The following PRDM2 variants were observed in gnomAD, a reference collection of about 807,000 sequenced individuals.
PRDM2 encodes the protein PR/SET domain 2.
In PRDM2, 30 loss-of-function variants were observed where a neutral mutation model predicts 130.0. The ratio of observed to expected loss-of-function variants is 0.23; its 90% CI spans 0.17 to 0.31. The LOEUF is 0.31. PRDM2 is among the 10% of genes least tolerant of loss of function. PRDM2 has a pLI of 1.00. For synonymous variants in PRDM2, 871 were observed against 782.4 expected, an observed-to-expected ratio of 1.11 and a Z score of -1.89; for missense variants, 2,011 against 2,108.4, an observed-to-expected ratio of 0.95 and a Z score of 0.90.
chr1:13,769,186 G>A, intron 6 of PRDM2: 1 of 983,508 alleles, frequency 1.0e-6, no homozygotes, highest in Non-Finnish European at 1.2e-6. Context: ...AAGTGCACTT[G>A]TGTGCTTGCC....
intron 8 of PRDM2, among the ~76,000 whole-genome samples, chr1:13,808,454 A>C (rs1570107305): frequency 7.5e-6 from 1 of 133,474 alleles, no homozygotes; most frequent in Admixed American, 8.3e-5. Flanking sequence ...ACAGAGTGAG[A>C]CTCTGTCTCA....
chr1:13,772,560 T>C (rs1232856443), intron 6 of PRDM2, among the ~76,000 whole-genome samples: 1 of 152,204 alleles, frequency 6.6e-6, no homozygotes, highest in Non-Finnish European at 1.5e-5. Context: ...ATTTGAGCCA[T>C]TGTGAATGTG....
At chr1:13,792,886 G>A (rs1644863737) in intron 8 of PRDM2, among the ~76,000 whole-genome samples, 1 of 152,246 alleles carries the variant, frequency 6.6e-6, no homozygotes, top group Non-Finnish European at 1.5e-5. Context: ...CCGAGTCGGA[G>A]AGAGGCAACA....
At chr1:13,730,948 T>G in intron 2 of PRDM2, 52 bp from the exon 3 acceptor site, 36 of 1,229,478 alleles carry the variant, frequency 2.9e-5, no homozygotes, top group South Asian at 4.3e-5. Context: ...AAAAAACCCA[T>G]GATTTGAGTT....
intron 7 of PRDM2, among the ~76,000 whole-genome samples, chr1:13,776,148 A>G (rs886476552): frequency 1.1e-4 from 17 of 152,158 alleles, no homozygotes; most frequent in African/African-American, 3.6e-4. Flanking sequence ...TCAATGTTCT[A>G]CAGTTTCGTT....
intron 2 of PRDM2, among the ~76,000 whole-genome samples, chr1:13,727,228 T>G (rs957928089): frequency 6.6e-6 from 1 of 152,190 alleles, no homozygotes; most frequent in Non-Finnish European, 1.5e-5. Context: ...CTCAGCATTC[T>G]GTCTGAACAG....
chr1:13,783,063 G>A (rs751218577), intron 8 of PRDM2: 32 of 972,368 alleles, frequency 3.3e-5, no homozygotes, highest in Non-Finnish European at 4.5e-5. Context: ...CTTTAATGTG[G>A]CCAGATGTAA....
Position 13,730,265 on chromosome 1 carries a change from T to A in PRDM2, c.10-735T>A, listed in dbSNP as rs762766182. Among the ~76,000 whole-genome samples, 89 of 152,354 alleles carry A rather than the reference T, an allele frequency of 5.8e-4. 1 individual carries two copies. Among genetic ancestry groups the A allele is most frequent in the Middle Eastern group, 3.4e-3 (1 of 294 alleles). ...TATTCTCCCAGTTGGCTCAAATCTC[T>A]CCCTTCCTTACATACATATCTAATA... On this transcript the variant is annotated intron_variant, in intron 2 of 9. Transcript: ENST00000311066.
intron 6 of PRDM2, among the ~76,000 whole-genome samples, chr1:13,754,739 C>T (rs1643908479): frequency 1.3e-5 from 2 of 152,208 alleles, no homozygotes; most frequent in South Asian, 4.1e-4. Context: ...GGTAGATGGG[C>T]CCTATGCCTA....
In PRDM2 at chr1:13,718,987, A is replaced by G. The variant is rs563858393; in HGVS notation, c.9+3373A>G. 8.0e-4 allele frequency among the ~76,000 whole-genome samples: 122 copies of G among 152,244 alleles called. 1 individual carries two copies. The highest frequency in any genetic ancestry group is 2.1e-4 in the Non-Finnish European group (14 of 68,026). ...TGGACAGACTGTATCCCAGCATGTT[A>G]TGGGTTCTGCAGTGAACTAGGTGGG... On this transcript the variant is annotated intron_variant, in intron 2 of 9. Transcript: ENST00000311066.
At chr1:13,786,695 G>C (rs991756565) in intron 8 of PRDM2, 1 of 1,470,142 alleles carries the variant, frequency 6.8e-7, no homozygotes, top group African/African-American at 1.4e-5. Flanking sequence ...TTAGAGTCAG[G>C]CATCTGCTGC....
Position 13,780,234 on chromosome 1 carries a change from T to C in PRDM2, c.2439T>C (p.Ser813=). ...TGTCTAAAGAGTGGACAGCTAGTTC[T>C]GCTTTTAGCAGTGTGTGCAACCAGC... ...YKMSKEWTAS[S]AFSSVCNQQP... is the part of the protein sequence containing the mutation. The change falls in exon 8 of 10, where the codon TCT becomes TCC. Residue 813 remains serine, a synonymous_variant. Transcript: ENST00000311066. The C allele has an allele frequency of 6.2e-7, 1 of 1,610,934 alleles. No homozygotes were observed. The highest frequency in any genetic ancestry group is 8.5e-7 in the Non-Finnish European group (1 of 1,178,218).
At chr1:13,721,842 A>G (rs1311189364) in intron 2 of PRDM2, among the ~76,000 whole-genome samples, 1 of 152,100 alleles carries the variant, frequency 6.6e-6, no homozygotes, top group Admixed American at 6.5e-5. Context: ...CAGTTCTGGC[A>G]ATGTCATTCC....
chr1:13,767,901 A>T (rs946951414), intron 6 of PRDM2, among the ~76,000 whole-genome samples: 3 of 152,052 alleles, frequency 2.0e-5, no homozygotes, highest in African/African-American at 7.2e-5. Flanking sequence ...ACCTGAGCCC[A>T]GGAGGTCGAG....
intron 8 of PRDM2, among the ~76,000 whole-genome samples, chr1:13,795,630 C>T (rs978940334): frequency 5.9e-5 from 9 of 152,178 alleles, no homozygotes; most frequent in Admixed American, 1.3e-4. Flanking sequence ...AACTGTGTTG[C>T]GGGTGAATGG....
At chr1:13,713,897 C>A (rs1264583800) in intron 1 of PRDM2, among the ~76,000 whole-genome samples, 1 of 151,678 alleles carries the variant, frequency 6.6e-6, no homozygotes, top group African/African-American at 2.4e-5. Flanking sequence ...GAGACGGAGT[C>A]TCGCTCTGTC....
intron 2 of PRDM2, among the ~76,000 whole-genome samples, chr1:13,720,405 A>G (rs1305264230): frequency 6.6e-6 from 1 of 152,050 alleles, no homozygotes; most frequent in Non-Finnish European, 1.5e-5. Flanking sequence ...ATGTACCTGG[A>G]GCAGACCTGA....
At chr1:13,735,447 G>A (rs1325935597) in intron 4 of PRDM2, among the ~76,000 whole-genome samples, 2 of 152,178 alleles carry the variant, frequency 1.3e-5, no homozygotes, top group Admixed American at 6.5e-5. Flanking sequence ...CCTTTTAGAT[G>A]TACTTTTATG....
chr1:13,744,824 T>A (rs918439505), intron 5 of PRDM2, among the ~76,000 whole-genome samples: 1 of 152,172 alleles, frequency 6.6e-6, no homozygotes, highest in Non-Finnish European at 1.5e-5. Flanking sequence ...GCCTTTCAGA[T>A]TTTTTACTAG....
Sources: gnomAD v4.1 joint callset for allele counts (sites outside exome capture counted in the v4.1 genomes callset) on GRCh38, gnomAD v4.1.1 for gene constraint, MANE v1.5 for transcripts, NCBI Gene and HGNC (gene_info 2026-07-23, HGNC 2026-07-21) for gene names.